Variants in PLA2R1 observed in about 807,000 individuals in gnomAD.
The protein encoded by PLA2R1 is phospholipase A2 receptor 1.
PLA2R1 carries 158 observed loss-of-function variants against 195.9 expected under a neutral mutation model. The observed-to-expected ratio is 0.81, with a 90% confidence interval of 0.71 to 0.92. PLA2R1 has a LOEUF of 0.92. PLA2R1 is among the 40% of genes least tolerant of loss of function. PLA2R1 has a pLI of 0.00. For synonymous variants in PLA2R1, 586 were observed against 598.2 expected (o/e 0.98, Z 0.30); for missense variants, 1,626 against 1,764.6 (o/e 0.92, Z 1.41).
At chr2:160,009,808 A>C (rs1470635780) in intron 10 of PLA2R1, among the ~76,000 whole-genome samples, 1 of 152,226 alleles carries the variant, frequency 6.6e-6, no homozygotes, top group African/African-American at 2.4e-5. Flanking sequence ...GCTTTAAAAT[A>C]ATGCACATTT....
At chr2:159,995,873 G>A (rs1391343728) in intron 11 of PLA2R1, among the ~76,000 whole-genome samples, 2 of 151,942 alleles carry the variant, frequency 1.3e-5, no homozygotes, top group Admixed American at 1.3e-4. Flanking sequence ...CACCACAGTG[G>A]TACATTTATT....
Position 159,976,219 on chromosome 2 carries a change from G to T in PLA2R1, c.2444C>A (p.Pro815His). ...KIPFWYQYDVPWLFYQDAEYL... is the reference protein window; with the variant it reads ...KIPFWYQYDVHWLFYQDAEYL... ...TTCTGCATCCTGATAAAAGAGCCAG[G>T]GTACATCTGAAAAAGAAACAGTGAA... The change falls in exon 17 of 30, where the codon CCC (proline) becomes CAC (histidine). Residue 815 changes from proline (P) to histidine (H), a missense_variant. Pro to His is a moderately conservative substitution (Grantham distance 77). Transcript: ENST00000283243. 1 of 1,597,246 alleles carries T rather than the reference G, an allele frequency of 6.3e-7. No individual in the cohort carries two copies. Among genetic ancestry groups the T allele is most frequent in the Non-Finnish European group, 8.5e-7 (1 of 1,171,236 alleles).
intron 13 of PLA2R1, among the ~76,000 whole-genome samples, chr2:159,981,852 A>AT (rs1159321849): frequency 6.6e-6 from 1 of 152,004 alleles, no homozygotes; most frequent in African/African-American, 2.4e-5. Flanking sequence ...ATTTTGAAAA[A>AT]TTTTTTTGTA....
chr2:160,003,946 T>C (rs1235626439), intron 11 of PLA2R1, among the ~76,000 whole-genome samples: 1 of 152,212 alleles, frequency 6.6e-6, no homozygotes, highest in Admixed American at 6.5e-5. Flanking sequence ...TAAGACAGAT[T>C]GCTAAGTGAA....
chr2:160,062,563 G>A lies in PLA2R1; in HGVS notation c.-160C>T, dbSNP rs1052648946. ...GGGGGCCTTGCCAGCCCAGAGCCCT[G>A]GAGACCCACTCCGCCACCGCTGTCT... On this transcript the variant is annotated 5_prime_UTR_variant, in exon 1 of 30. Transcript: ENST00000283243. 19 of 1,270,618 alleles carry A rather than the reference G, an allele frequency of 1.5e-5. No individual in the cohort carries two copies. The highest frequency in any genetic ancestry group is 3.7e-5 in the Admixed American group (1 of 26,774). 78.7% of individuals were successfully genotyped at this position (1,270,618 alleles called of 1,614,324 possible). A position where few individuals can be genotyped will look rare whatever the true frequency, so the allele number is the denominator to read the frequency against.
At chr2:159,965,107 C>A (rs1230241508) in intron 20 of PLA2R1, among the ~76,000 whole-genome samples, 2 of 152,176 alleles carry the variant, frequency 1.3e-5, no homozygotes, top group Admixed American at 6.5e-5. Flanking sequence ...GCCCCATCAC[C>A]CCAGAATGGT....
chr2:159,979,268 A>G (rs1166174960), intron 14 of PLA2R1, among the ~76,000 whole-genome samples: 1 of 152,186 alleles, frequency 6.6e-6, no homozygotes, highest in Non-Finnish European at 1.5e-5. Context: ...AAAAAAATAC[A>G]ATAGTGAGTT....
intron 10 of PLA2R1, among the ~76,000 whole-genome samples, chr2:160,006,061 T>C (rs1691962431): frequency 6.6e-6 from 1 of 152,168 alleles, no homozygotes; most frequent in Admixed American, 6.5e-5. Context: ...GGCTTAATTC[T>C]TGCACAGAAT....
intron 25 of PLA2R1, 53 bp from the exon 26 acceptor site, chr2:159,947,612 G>A (rs1350435753): frequency 6.7e-7 from 1 of 1,488,292 alleles, no homozygotes; most frequent in Non-Finnish European, 9.3e-7. Context: ...TTTATTTATT[G>A]AGATAAATAT....
At chr2:160,017,634 A>G (rs1273592048) in intron 8 of PLA2R1, among the ~76,000 whole-genome samples, 2 of 152,166 alleles carry the variant, frequency 1.3e-5, no homozygotes, top group African/African-American at 2.4e-5. Flanking sequence ...TCTTTCTCTA[A>G]TCCTATTGAA....
At chr2:160,030,781 C>T (rs752615834) in intron 4 of PLA2R1, among the ~76,000 whole-genome samples, 3 of 152,150 alleles carry the variant, frequency 2.0e-5, no homozygotes, top group South Asian at 4.1e-4. Flanking sequence ...TTAAAAAATA[C>T]CTTGGTTGGA....
At chr2:160,053,266 T>C (rs1179970608) in intron 1 of PLA2R1, among the ~76,000 whole-genome samples, 2 of 150,982 alleles carry the variant, frequency 1.3e-5, no homozygotes, top group Non-Finnish European at 3.0e-5. Context: ...AGACTAGGGC[T>C]ACCCTAACTG....
chr2:159,958,459 T>G (rs1481513251), intron 20 of PLA2R1, among the ~76,000 whole-genome samples: 2 of 152,140 alleles, frequency 1.3e-5, no homozygotes, highest in African/African-American at 4.8e-5. Context: ...AATGCAAGAC[T>G]GGTCTAATAC....
chr2:159,963,012 C>A (rs141523629), intron 20 of PLA2R1, among the ~76,000 whole-genome samples: 8 of 152,060 alleles, frequency 5.3e-5, no homozygotes, highest in Non-Finnish European at 1.2e-4. Context: ...TACACATGTA[C>A]CCCAGAACTT....
chr2:159,954,081 G>A (rs768988653), intron 23 of PLA2R1, among the ~76,000 whole-genome samples: 4 of 152,104 alleles, frequency 2.6e-5, no homozygotes, highest in Admixed American at 6.6e-5. Flanking sequence ...CAATCCACCC[G>A]CCTTGGTCCC....
At chr2:159,993,027 T>C (rs534216060) in intron 11 of PLA2R1, among the ~76,000 whole-genome samples, 3 of 152,282 alleles carry the variant, frequency 2.0e-5, no homozygotes, top group Non-Finnish European at 2.9e-5. Context: ...CTAATATAAC[T>C]TGGAAAAGTG....
At chr2:160,020,657 C>T (rs996601986) in intron 7 of PLA2R1, among the ~76,000 whole-genome samples, 2 of 152,278 alleles carry the variant, frequency 1.3e-5, no homozygotes, top group East Asian at 3.9e-4. Context: ...CACTCAGCCC[C>T]CTCTCCATGT....
chr2:160,014,348 T>C (rs1573897471), intron 9 of PLA2R1, among the ~76,000 whole-genome samples: 1 of 152,064 alleles, frequency 6.6e-6, no homozygotes, highest in Non-Finnish European at 1.5e-5. Flanking sequence ...GTCTATGTTT[T>C]AGCCCTGGGA....
chr2:160,005,945 T>C, intron 10 of PLA2R1, 124 bp from the exon 11 acceptor site: 6 of 700,394 alleles, frequency 8.6e-6, no homozygotes, highest in South Asian at 5.3e-5. Flanking sequence ...CTTTAGAACA[T>C]GGAACAGGAA....
Sources: gnomAD v4.1 joint callset for allele counts (sites outside exome capture counted in the v4.1 genomes callset) on GRCh38, gnomAD v4.1.1 for gene constraint, MANE v1.5 for transcripts, NCBI Gene and HGNC (gene_info 2026-07-23, HGNC 2026-07-21) for gene names.